GABRB1: variants seen among roughly 807,000 people sequenced by gnomAD.
GABRB1 encodes gamma-aminobutyric acid receptor subunit beta-1.
A neutral mutation model predicts 51.6 loss-of-function variants in GABRB1; 17 were observed. The observed-to-expected ratio is 0.33, with a 90% CI of 0.23 to 0.49. GABRB1 has a LOEUF of 0.49. GABRB1 is among the 20% of genes least tolerant of loss of function. The probability of loss-of-function intolerance (pLI) is 0.99; values close to 1 mark genes in which losing one functional copy is unlikely to be tolerated. For synonymous variants in GABRB1, 247 were observed against 218.9 expected, an observed-to-expected ratio of 1.13 and a Z score of -1.14; for missense variants, 410 against 600.6, an observed-to-expected ratio of 0.68 and a Z score of 3.32.
At chr4:47,388,552 C>T (rs190839054) in intron 5 of GABRB1, among the ~76,000 whole-genome samples, 40 of 152,252 alleles carry the variant, frequency 2.6e-4, no homozygotes, top group African/African-American at 8.9e-4. Context: ...TCTGGGGATA[C>T]GTCCAAATCT....
chr4:47,131,165 A>ATTT (rs1432111315), intron 3 of GABRB1, among the ~76,000 whole-genome samples: 1 of 146,262 alleles, frequency 6.8e-6, no homozygotes, highest in African/African-American at 2.5e-5. Context: ...CTTCTGGAGA[A>ATTT]TTTTTTTTTT....
intron 4 of GABRB1, among the ~76,000 whole-genome samples, chr4:47,307,815 G>C (rs1724524755): frequency 6.6e-6 from 1 of 151,672 alleles, no homozygotes; most frequent in African/African-American, 2.4e-5. Context: ...TTCAAATTCA[G>C]CTTGTAAACA....
At chr4:47,024,933 CAT>C (rs34532575) in intron 1 of GABRB1, among the ~76,000 whole-genome samples, 58,834 of 86,196 alleles carry the variant, frequency 0.68, 19,499 homozygotes, top group Middle Eastern at 0.73. Flanking sequence ...AGTATTCCAT[CAT>C]ATATATATAT....
chr4:47,392,568 G>T (rs1375241524), intron 5 of GABRB1, among the ~76,000 whole-genome samples: 1 of 152,060 alleles, frequency 6.6e-6, no homozygotes, highest in Admixed American at 6.5e-5. Context: ...GTCTTCATCT[G>T]TTGACCTCAT....
intron 3 of GABRB1, among the ~76,000 whole-genome samples, chr4:47,102,803 C>A (rs1019766551): frequency 2.6e-5 from 4 of 151,878 alleles, no homozygotes; most frequent in Non-Finnish European, 5.9e-5. Flanking sequence ...GAGCTACATT[C>A]ATAAGACTAG....
chr4:47,390,131 A>G (rs1222018734), intron 5 of GABRB1, among the ~76,000 whole-genome samples: 1 of 152,228 alleles, frequency 6.6e-6, no homozygotes, highest in African/African-American at 2.4e-5. Context: ...GGACTGGATC[A>G]ACTTGGATCA....
At chr4:47,066,756 C>T (rs1014264944) in intron 3 of GABRB1, among the ~76,000 whole-genome samples, 1 of 152,106 alleles carries the variant, frequency 6.6e-6, no homozygotes, top group African/African-American at 2.4e-5. Context: ...AGTCTTGAAC[C>T]CCTCAAAATC....
At chr4:47,252,676 T>G (rs1722041591) in intron 4 of GABRB1, among the ~76,000 whole-genome samples, 1 of 151,752 alleles carries the variant, frequency 6.6e-6, no homozygotes, top group Non-Finnish European at 1.5e-5. Context: ...CCTGGCTAAT[T>G]TTTGTATTTT....
chr4:47,222,317 C>T (rs1028892400), intron 4 of GABRB1, among the ~76,000 whole-genome samples: 6 of 152,084 alleles, frequency 3.9e-5, no homozygotes, highest in African/African-American at 1.2e-4. Context: ...CTGTATGTGC[C>T]TCTGTGGCAC....
chr4:47,055,738 T>C (rs981215549), intron 3 of GABRB1, among the ~76,000 whole-genome samples: 1 of 152,142 alleles, frequency 6.6e-6, no homozygotes, highest in African/African-American at 2.4e-5. Context: ...ACTTCTACTC[T>C]CTCATGTTTA....
chr4:47,359,119 A>C (rs1560350520), intron 5 of GABRB1, among the ~76,000 whole-genome samples: 1 of 152,168 alleles, frequency 6.6e-6, no homozygotes, highest in Non-Finnish European at 1.5e-5. Context: ...AATAAACTGC[A>C]TTATGGCACA....
chr4:47,210,509 G>A (rs192540845), intron 4 of GABRB1, among the ~76,000 whole-genome samples: 1 of 152,112 alleles, frequency 6.6e-6, no homozygotes, highest in South Asian at 2.1e-4. Flanking sequence ...TTTTTACATC[G>A]TGGCATTTCC....
intron 5 of GABRB1, among the ~76,000 whole-genome samples, chr4:47,354,988 T>TG (rs1419613192): frequency 1.5e-5 from 2 of 130,888 alleles, no homozygotes; most frequent in African/African-American, 5.9e-5. Context: ...TTGTTTTTTT[T>TG]TTTTTTTTTT....
intron 4 of GABRB1, among the ~76,000 whole-genome samples, chr4:47,267,726 C>T (rs1016830715): frequency 6.6e-6 from 1 of 151,882 alleles, no homozygotes; most frequent in African/African-American, 2.4e-5. Context: ...ACCCGGGAGG[C>T]GGAGGTTGCA....
At chr4:47,098,631 A>G (rs1336353191) in intron 3 of GABRB1, among the ~76,000 whole-genome samples, 1 of 152,146 alleles carries the variant, frequency 6.6e-6, no homozygotes, top group African/African-American at 2.4e-5. Context: ...TCTCATATAG[A>G]TCTGACAACA....
At chr4:47,191,105 T>C (rs1184608398) in intron 4 of GABRB1, among the ~76,000 whole-genome samples, 1 of 152,068 alleles carries the variant, frequency 6.6e-6, no homozygotes, top group Non-Finnish European at 1.5e-5. Context: ...CAGAAGACAA[T>C]AACTAAAGAA....
At position 47,253,419 on chromosome 4, in the gene GABRB1, G is replaced by T. The variant is rs536433109; in HGVS notation, c.462-66708G>T. 1.2e-4 allele frequency among the ~76,000 whole-genome samples: 18 copies of T among 152,286 alleles called. No individual in the cohort carries two copies. The South Asian group carries it at 3.7e-3, about 32-fold the overall frequency. ...CTAGGACGGCAACTTGGAAAACATA[G>T]TCCTTTTTTATTAAAAATATCACTG... On this transcript the variant is annotated intron_variant, in intron 4 of 8. Transcript: ENST00000295454.
At chr4:47,177,030 C>T (rs1038632305) in intron 4 of GABRB1, among the ~76,000 whole-genome samples, 1 of 152,102 alleles carries the variant, frequency 6.6e-6, no homozygotes, top group African/African-American at 2.4e-5. Context: ...GGCTCAACCA[C>T]TATTTTAATA....
chr4:47,028,833 CAT>C (rs926981395), upstream of GABRB1, among the ~76,000 whole-genome samples: 13 of 146,522 alleles, frequency 8.9e-5, no homozygotes, highest in African/African-American at 3.2e-4. Flanking sequence ...GGTATATATA[CAT>C]ATATATGGTG....
Sources: gnomAD v4.1 joint callset for allele counts (sites outside exome capture counted in the v4.1 genomes callset) on GRCh38, gnomAD v4.1.1 for gene constraint, MANE v1.5 for transcripts, NCBI Gene and HGNC (gene_info 2026-07-23, HGNC 2026-07-21) for gene names.